Variants in NEK8 observed in about 807,000 individuals in gnomAD.
NEK8 encodes the protein NIMA related kinase 8, also known as serine/threonine-protein kinase Nek8.
A neutral mutation model predicts 77.2 loss-of-function variants in NEK8; 51 were observed. The ratio of observed to expected loss-of-function variants is 0.66; its 90% CI spans 0.53 to 0.83. The LOEUF (loss-of-function observed/expected upper bound fraction) is 0.83. Among genes scored for constraint, NEK8 ranks in the 40% least tolerant of loss-of-function variants. The probability of loss-of-function intolerance (pLI) is 0.00; values close to 1 mark genes in which losing one functional copy is unlikely to be tolerated. For missense variants in NEK8, 787 were observed against 909.2 expected (o/e 0.87, Z 1.73); for synonymous variants, 365 against 363.2 (o/e 1.00, Z -0.06).
In NEK8 at chr17:28,742,014, C is replaced by A; in HGVS notation, c.*27C>A. 6.2e-7 allele frequency: 1 copy of A among 1,610,350 alleles called. No individual in the cohort carries two copies. The highest frequency in any genetic ancestry group is 8.5e-7 in the Non-Finnish European group (1 of 1,176,602). On this transcript the variant is annotated 3_prime_UTR_variant, in exon 15 of 15. Coordinates refer to ENST00000268766, the MANE Select transcript of NEK8 (RefSeq NM_178170.3). ...GCACCCGGATTCACCTCTGGACCAC[C>A]CTGATATTGCTTCTCCTCTGAATGC...
Position 28,737,580 on chromosome 17 carries a change from G to A in NEK8, c.827+66G>A, listed in dbSNP as rs775888914. On this transcript the variant is annotated intron_variant, in intron 5 of 14. Transcript: ENST00000268766. The surrounding 1 kb of genome is among the most constrained non-coding windows in gnomAD (Gnocchi z 4.8). ...TGGGCACCCAGTGGGAGCACAGGAG[G>A]TCTGAGGCAGAGGGAAACCTGGGGC... 2 of 1,613,336 alleles carry A rather than the reference G, an allele frequency of 1.2e-6. No homozygotes were observed. The highest frequency in any genetic ancestry group is 1.7e-6 in the Non-Finnish European group (2 of 1,179,680).
intron 1 of NEK8, among the ~76,000 whole-genome samples, chr17:28,730,277 A>ATTTTTTTT (rs36102062): frequency 5.6e-5 from 5 of 89,266 alleles, no homozygotes; most frequent in African/African-American, 1.1e-4. Flanking sequence ...CAACCGGCTA[A>ATTTTTTTT]TTTTTTTTTT....
chr17:28,734,134 T>C lies in NEK8; in HGVS notation c.199T>C (p.Tyr67His). The C allele has an allele frequency of 6.2e-7, 1 of 1,614,238 alleles. No individual in the cohort carries two copies. Among genetic ancestry groups the C allele is most frequent in the South Asian group, 1.1e-5 (1 of 91,088 alleles). Residue 67 changes from tyrosine (Y) to histidine (H), a missense_variant, in exon 2 of 15, where the codon TAC (tyrosine) becomes CAC (histidine). By Grantham distance (83) the Tyr-to-His change is moderately conservative (BLOSUM62 2). Coordinates refer to ENST00000268766, the MANE Select transcript of NEK8 (RefSeq NM_178170.3). ...LLNHPNVIEY[Y>H]ENFLEDKALM... ...CAACCACCCCAATGTCATTGAGTAC[T>C]ACGAGAACTTCCTGGAAGACAAAGC...
At chr17:28,732,513 A>G (rs1466516066) in intron 1 of NEK8, among the ~76,000 whole-genome samples, 1 of 150,912 alleles carries the variant, frequency 6.6e-6, no homozygotes, top group African/African-American at 2.4e-5. Context: ...GAAATGGAGG[A>G]AAGATTCTAG....
At chr17:28,730,870 C>G (rs1447618482) in intron 1 of NEK8, among the ~76,000 whole-genome samples, 1 of 152,096 alleles carries the variant, frequency 6.6e-6, no homozygotes, top group African/African-American at 2.4e-5. Context: ...CTGTAGTAAG[C>G]TGAGATGAGA....
chr17:28,741,879 A>G lies in NEK8; in HGVS notation c.2051-80A>G, dbSNP rs2034426557. ...TAACAGGGTCCAGAATCCAGGGCCC[A>G]GTGGGAGTGGGAGGTGGGTGATGAT... is the stretch of plus-strand genomic sequence containing the variant. On this transcript the variant is annotated intron_variant, in intron 14 of 14. Coordinates refer to ENST00000268766, the MANE Select transcript of NEK8 (RefSeq NM_178170.3). The surrounding 1 kb of genome is among the most constrained non-coding windows in gnomAD (Gnocchi z 4.5). 2.1e-6 allele frequency: 3 copies of G among 1,443,056 alleles called. No individual in the cohort carries two copies. Among genetic ancestry groups the G allele is most frequent in the Non-Finnish European group, 2.9e-6 (3 of 1,023,926 alleles). The allele number at this position is 1,443,056 out of a possible 1,614,324, so 89.4% of individuals were successfully genotyped here.
chr17:28,732,696 C>T (rs952246864), intron 1 of NEK8, among the ~76,000 whole-genome samples: 3 of 150,944 alleles, frequency 2.0e-5, no homozygotes, highest in African/African-American at 7.3e-5. Context: ...GGATTACAGG[C>T]GCCTGCCACC....
chr17:28,741,705 T>C lies in NEK8; in HGVS notation c.2050+134T>C. 1 of 1,222,192 alleles carries C rather than the reference T, an allele frequency of 8.2e-7. No homozygotes were observed. The highest frequency in any genetic ancestry group is 1.2e-6 in the Non-Finnish European group (1 of 836,182). 75.7% of individuals were successfully genotyped at this position (1,222,192 alleles called of 1,614,324 possible). On this transcript the variant is annotated intron_variant, in intron 14 of 14. Coordinates refer to ENST00000268766, the MANE Select transcript of NEK8 (RefSeq NM_178170.3). The surrounding 1 kb of genome is among the most constrained non-coding windows in gnomAD (Gnocchi z 4.5). ...CAGATAAAAAAAGCAGAAGCTGCGG[T>C]TGAAAAGCTTCAAGCTTCCTGCCTG...
chr17:28,729,532 ATTTTTTT>A (rs10523946), intron 1 of NEK8, among the ~76,000 whole-genome samples: 7 of 98,342 alleles, frequency 7.1e-5, no homozygotes, highest in African/African-American at 2.6e-4. Context: ...AATTTTTTGG[ATTTTTTT>A]TTTTTTTTTT....
chr17:28,730,351 C>T (rs926703981), intron 1 of NEK8, among the ~76,000 whole-genome samples: 1 of 146,618 alleles, frequency 6.8e-6, no homozygotes, highest in Non-Finnish European at 1.5e-5. Context: ...TGCAATGGCA[C>T]CATCTTGGCT....
chr17:28,741,328 G>A lies in NEK8; in HGVS notation c.1892-85G>A. ...GGCCACTGGACTCTGGAGCCTCCCAGGGGCCATCCTGGCAATGTGGGAGGG... is the reference window on the plus strand; with the variant it reads ...GGCCACTGGACTCTGGAGCCTCCCAAGGGCCATCCTGGCAATGTGGGAGGG... On this transcript the variant is annotated intron_variant, in intron 13 of 14. Transcript: ENST00000268766. The surrounding 1 kb of genome is among the most constrained non-coding windows in gnomAD (Gnocchi z 4.5). 1 of 1,599,964 alleles carries A rather than the reference G, an allele frequency of 6.3e-7. No individual in the cohort carries two copies. Among genetic ancestry groups the A allele is most frequent in the Non-Finnish European group, 8.5e-7 (1 of 1,172,326 alleles).
Position 28,737,571 on chromosome 17 carries a change from G to T in NEK8, c.827+57G>T. 1 of 1,613,056 alleles carries T rather than the reference G, an allele frequency of 6.2e-7. No individual in the cohort carries two copies. Among genetic ancestry groups the T allele is most frequent in the Non-Finnish European group, 8.5e-7 (1 of 1,179,522 alleles). Reference sequence around the variant, plus strand: ...GGCAGGGTGTGGGCACCCAGTGGGAGCACAGGAGGTCTGAGGCAGAGGGAA... The same window carrying T: ...GGCAGGGTGTGGGCACCCAGTGGGATCACAGGAGGTCTGAGGCAGAGGGAA... On this transcript the variant is annotated intron_variant, in intron 5 of 14. Transcript: ENST00000268766. The surrounding 1 kb of genome is among the most constrained non-coding windows in gnomAD (Gnocchi z 4.8).
In NEK8 at chr17:28,741,119, C is replaced by G. The variant is rs779152665; in HGVS notation, c.1774C>G (p.Gln592Glu). The change falls in exon 13 of 15, where the codon CAG (glutamine) becomes GAG (glutamate). Residue 592 changes from glutamine (Q) to glutamate (E), a missense_variant. Gln to Glu is a conservative substitution (Grantham distance 29). Around this residue, in one of 2 missense-constraint regions of NEK8, gnomAD observed 516 missense variants for 544.0 expected, o/e 0.95. Coordinates refer to ENST00000268766, the MANE Select transcript of NEK8 (RefSeq NM_178170.3). This position sits in a 1 kb window ranked among gnomAD's most constrained non-coding sequence, Gnocchi z 4.5. ...CYTFGSNQHG[Q>E]LGTNTRRGSR... ...CACTTTTGGCAGCAATCAGCACGGA[C>G]AGTTGGGCACCAATACTCGCCGAGG... 6.2e-7 allele frequency: 1 copy of G among 1,614,180 alleles called. No individual in the cohort carries two copies. Among genetic ancestry groups the G allele is most frequent in the Non-Finnish European group, 8.5e-7 (1 of 1,180,024 alleles).
In NEK8 at chr17:28,742,073, C is replaced by T; in HGVS notation, c.*86C>T. The T allele has an allele frequency of 1.6e-6, 2 of 1,282,518 alleles. No homozygotes were observed. The highest frequency in any genetic ancestry group is 1.1e-6 in the Non-Finnish European group (1 of 877,352). 79.4% of individuals were successfully genotyped at this position (1,282,518 alleles called of 1,614,324 possible). On this transcript the variant is annotated 3_prime_UTR_variant, in exon 15 of 15. Transcript: ENST00000268766. ...GTGCAGGTGCCCAAGGCATGACTTG[C>T]AGCTGTCTCCTGGATTGTGTCATCA...
intron 2 of NEK8, 42 bp from the exon 3 acceptor site, chr17:28,734,730 G>C: frequency 7.3e-7 from 1 of 1,366,520 alleles, no homozygotes; most frequent in Non-Finnish European, 1.0e-6. Context: ...GTTGTCGTAG[G>C]TGTGAGAAAG....
At chr17:28,732,545 C>CTTTTTTTTTT (rs1054257308) in intron 1 of NEK8, among the ~76,000 whole-genome samples, 43 of 77,914 alleles carry the variant, frequency 5.5e-4, no homozygotes, top group Non-Finnish European at 7.4e-4. Flanking sequence ...TTTTTCTTTT[C>CTTTTTTTTTT]TTTTTTTTTT....
rs368364890 is a variant in NEK8, at chr17:28,737,824, C to A, written c.895C>A (p.Pro299Thr). 1 of 1,614,134 alleles carries A rather than the reference C, an allele frequency of 6.2e-7. No individual in the cohort carries two copies. Among genetic ancestry groups the A allele is most frequent in the Non-Finnish European group, 8.5e-7 (1 of 1,180,012 alleles). The change falls in exon 7 of 15, where the codon CCC (proline) becomes ACC (threonine). Residue 299 changes from proline (P) to threonine (T), a missense_variant. By Grantham distance (38) the Pro-to-Thr change is conservative (BLOSUM62 -1). Around this residue, in one of 2 missense-constraint regions of NEK8, gnomAD observed 516 missense variants for 544.0 expected, o/e 0.95. Coordinates refer to ENST00000268766, the MANE Select transcript of NEK8 (RefSeq NM_178170.3). The surrounding 1 kb of genome is among the most constrained non-coding windows in gnomAD (Gnocchi z 4.8). ...RTTSVRCRGI[P>T]RGPVRPAIPP... ...CCCATGCACTGTACCTGCAGGTATCCCCCGGGGACCTGTGAGGCCAGCCAT... is the reference window on the plus strand; with the variant it reads ...CCCATGCACTGTACCTGCAGGTATCACCCGGGGACCTGTGAGGCCAGCCAT...
rs1442494981 is a variant in NEK8 at position 28,741,784 on chromosome 17, T to C, written c.2051-175T>C. Reference sequence around the variant, plus strand: ...CTCATGGAAGGGCTGCCTCCACTGCTCCCCAGGGCTCACATGCATTCTTTC... The same window carrying C: ...CTCATGGAAGGGCTGCCTCCACTGCCCCCCAGGGCTCACATGCATTCTTTC... On this transcript the variant is annotated intron_variant, in intron 14 of 14. Transcript: ENST00000268766. This position sits in a 1 kb window ranked among gnomAD's most constrained non-coding sequence, Gnocchi z 4.5. Among the ~76,000 whole-genome samples the C allele has an allele frequency of 5.9e-5, 9 of 152,142 alleles. No homozygotes were observed. The highest frequency in any genetic ancestry group is 4.6e-4 in the Admixed American group (7 of 15,270).
Position 28,738,167 on chromosome 17 carries a change from TCG to T in NEK8, c.1147_1148del (p.Arg383PhefsTer25). 1 of 1,614,080 alleles carries T rather than the reference TCG, an allele frequency of 6.2e-7. No homozygotes were observed. Among genetic ancestry groups the T allele is most frequent in the Non-Finnish European group, 8.5e-7 (1 of 1,179,984 alleles). On this transcript the variant is annotated frameshift_variant, in exon 8 of 15. Transcript: ENST00000268766. LOFTEE classifies it high-confidence loss of function. ...GGAGCAGCCACAGCCCCAGTTCATCTCGCGTTTCCTGGAGGGCCAGTCGGGTG... is the reference window on the plus strand; with the variant it reads ...GGAGCAGCCACAGCCCCAGTTCATCTCGTTTCCTGGAGGGCCAGTCGGGTG... ...AVEQPQPQFI[S>X]RFLEGQSGVT...
Sources: gnomAD v4.1 joint callset for allele counts (sites outside exome capture counted in the v4.1 genomes callset) on GRCh38, gnomAD v4.1.1 for gene constraint, gnomAD v4.1.1 regional missense constraint, Gnocchi (gnomAD v3.1) non-coding constraint, MANE v1.5 for transcripts, NCBI Gene and HGNC (gene_info 2026-07-23, HGNC 2026-07-21) for gene names.